The following TRIT1 variants were observed in gnomAD, a reference collection of about 807,000 sequenced individuals.
The protein encoded by TRIT1 is tRNA isopentenyltransferase 1, also known as tRNA dimethylallyltransferase.
Under a neutral mutation model 51.2 loss-of-function variants are expected in TRIT1, and 43 were observed. The observed-to-expected ratio is 0.84, with a 90% CI of 0.66 to 1.08. TRIT1 has a LOEUF of 1.08. Ranked by LOEUF, TRIT1 falls within the 50% of genes least tolerant of loss-of-function variation. The pLI, the probability that TRIT1 is intolerant of heterozygous loss-of-function variation, is 0.00. For synonymous variants in TRIT1, 184 were observed against 203.9 expected, an observed-to-expected ratio of 0.90 and a Z score of 0.83; for missense variants, 528 against 578.4, an observed-to-expected ratio of 0.91 and a Z score of 0.89.
At chr1:39,862,413 G>A (rs180908078) in intron 1 of TRIT1, among the ~76,000 whole-genome samples, 2 of 152,060 alleles carry the variant, frequency 1.3e-5, no homozygotes, top group African/African-American at 2.4e-5. Context: ...ATTAAGAGCT[G>A]GTAATGTTCT....
At chr1:39,857,926 C>A (rs1448266152) in intron 1 of TRIT1, among the ~76,000 whole-genome samples, 1 of 152,186 alleles carries the variant, frequency 6.6e-6, no homozygotes, top group Non-Finnish European at 1.5e-5. Flanking sequence ...TACACATACA[C>A]ACTTTGAAGT....
chr1:39,850,198 C>T lies in TRIT1; in HGVS notation c.624G>A (p.Thr208=), dbSNP rs746442009. ...CTCCAAGGGGACCACCACCTTCTTC[C>T]GTATGTTGACGATGGAGAAATTCAC... is the stretch of plus-strand genomic sequence containing the variant. ...SHSEFLHRQH[T]EEGGGPLGGP... Residue 208 remains threonine (T), a synonymous_variant, in exon 5 of 11, where the codon ACG becomes ACA. Coordinates refer to ENST00000316891, the MANE Select transcript of TRIT1 (RefSeq NM_017646.6). 30 of 1,613,974 alleles carry T rather than the reference C, an allele frequency of 1.9e-5. No individual in the cohort carries two copies. Among genetic ancestry groups the T allele is most frequent in the East Asian group, 2.2e-5 (1 of 44,894 alleles).
intron 1 of TRIT1, among the ~76,000 whole-genome samples, chr1:39,865,762 G>A (rs1643509690): frequency 6.6e-6 from 1 of 151,594 alleles, no homozygotes; most frequent in South Asian, 2.1e-4. Flanking sequence ...AGATGGGAGG[G>A]TCATTTGAGC....
chr1:39,851,120 C>G (rs1248551994), intron 4 of TRIT1, among the ~76,000 whole-genome samples: 2 of 152,014 alleles, frequency 1.3e-5, no homozygotes, highest in African/African-American at 4.8e-5. Flanking sequence ...AGAGTGTAGA[C>G]CCCCTTGTCT....
rs11581557 is a variant in TRIT1, at chr1:39,862,786, A to T, written c.175-5369T>A. Reference sequence around the variant, plus strand: ...ATTTGTAGCTGAATCTCTTACACTTACCCTATTTTTCAGCTTCAATTACAG... The same window carrying T: ...ATTTGTAGCTGAATCTCTTACACTTTCCCTATTTTTCAGCTTCAATTACAG... On this transcript the variant is annotated intron_variant, in intron 1 of 10. Transcript: ENST00000316891. 24 of 985,184 alleles carry T rather than the reference A, an allele frequency of 2.4e-5. No individual in the cohort carries two copies. The African/African-American group carries it at 4.0e-4, about 17-fold the overall frequency. The allele number at this position is 985,184 out of a possible 1,614,324, so 61.0% of individuals were successfully genotyped here. A position where few individuals can be genotyped will look rare whatever the true frequency, so the allele number is the denominator to read the frequency against.
At chr1:39,849,146 C>T (rs528509218) in intron 5 of TRIT1, among the ~76,000 whole-genome samples, 1 of 152,210 alleles carries the variant, frequency 6.6e-6, no homozygotes, top group South Asian at 2.1e-4. Context: ...ATTGAGGACC[C>T]GTCATGTGTC....
In TRIT1 at chr1:39,868,094, G is replaced by A. The variant is rs567286574; in HGVS notation, c.175-10677C>T. Reference sequence around the variant, plus strand: ...CAAGTAGCTGGGACTACAGAAGCCCGCCACCATGCCTGGCTATTTTTTTTT... The same window carrying A: ...CAAGTAGCTGGGACTACAGAAGCCCACCACCATGCCTGGCTATTTTTTTTT... On this transcript the variant is annotated intron_variant, in intron 1 of 10. Transcript: ENST00000316891. 2.9e-3 allele frequency among the ~76,000 whole-genome samples: 447 copies of A among 151,728 alleles called. 4 individuals are homozygous for A. Among genetic ancestry groups the A allele is most frequent in the African/African-American group, 0.01 (433 of 41,376 alleles).
At chr1:39,861,405 T>C (rs570287304) in intron 1 of TRIT1, among the ~76,000 whole-genome samples, 198 of 152,142 alleles carry the variant, frequency 1.3e-3, no homozygotes, top group Non-Finnish European at 2.0e-3. Flanking sequence ...ATATGGCAGT[T>C]CCTCAAAAAA....
chr1:39,868,868 TG>T (rs537063535), intron 1 of TRIT1, among the ~76,000 whole-genome samples: 242 of 152,160 alleles, frequency 1.6e-3, no homozygotes, highest in African/African-American at 5.3e-3. Flanking sequence ...TAGACCATCC[TG>T]GCCAACGTGG....
In TRIT1 at chr1:39,841,923, C is replaced by T. The variant is rs891331304; in HGVS notation, c.1235-10G>A. ...TTGGATTTTATGTGCGCTGATAAGA[C>T]AAAATCAAACCAAACAAACAAAAAA... is the stretch of plus-strand genomic sequence containing the variant. On this transcript the variant is annotated splice_polypyrimidine_tract_variant and intron_variant, in intron 10 of 10. Transcript: ENST00000316891. The T allele has an allele frequency of 2.6e-5, 42 of 1,591,452 alleles. No homozygotes were observed. The highest frequency in any genetic ancestry group is 3.3e-5 in the Non-Finnish European group (39 of 1,172,526).
At chr1:39,844,785 C>A (rs920537650) in intron 8 of TRIT1, 145 bp from the exon 9 acceptor site, 7 of 618,044 alleles carry the variant, frequency 1.1e-5, no homozygotes, top group Non-Finnish European at 2.0e-5. Context: ...TAAACATGAA[C>A]CACAATCCAA....
At position 39,847,934 on chromosome 1, in the gene TRIT1, T is replaced by C. The variant is rs953557538; in HGVS notation, c.815+52A>G. 43 of 1,544,668 alleles carry C rather than the reference T, an allele frequency of 2.8e-5. No individual in the cohort carries two copies. In the African/African-American group the frequency reaches 5.6e-4, roughly 20 times the overall value. ...AGCCAGTATTAGCGTTATGGTCTTT[T>C]GATTGTCTGCAAAATATGGACAGTA... On this transcript the variant is annotated intron_variant, in intron 6 of 10. Coordinates refer to ENST00000316891, the MANE Select transcript of TRIT1 (RefSeq NM_017646.6).
At chr1:39,847,459 T>C (rs1020987388) in intron 7 of TRIT1, 89 bp downstream of exon 7, 319 of 1,505,498 alleles carry the variant, frequency 2.1e-4, no homozygotes, top group Non-Finnish European at 2.9e-4. Context: ...TTGGGACGCT[T>C]TAAGCCTTGG....
At chr1:39,844,728 C>A (rs907530685) in intron 8 of TRIT1, 88 bp from the exon 9 acceptor site, 1 of 903,558 alleles carries the variant, frequency 1.1e-6, no homozygotes, top group Admixed American at 2.0e-5. Flanking sequence ...CAGGGAAATA[C>A]ACAGAGCCAA....
chr1:39,847,961 G>A (rs758797367), intron 6 of TRIT1, 25 bp downstream of exon 6: 5 of 1,593,718 alleles, frequency 3.1e-6, no homozygotes, highest in Non-Finnish European at 4.3e-6. Flanking sequence ...TGGACAGTAG[G>A]TCAGAATAAC....
intron 8 of TRIT1, among the ~76,000 whole-genome samples, 163 bp from the exon 9 acceptor site, chr1:39,844,803 C>T (rs750653750): frequency 1.7e-4 from 26 of 152,196 alleles, no homozygotes; most frequent in Admixed American, 3.9e-4. Flanking sequence ...CAAGAAAGAC[C>T]TAGAGGTTTA....
chr1:39,850,723 C>G (rs528146611), intron 4 of TRIT1, among the ~76,000 whole-genome samples: 6 of 152,288 alleles, frequency 3.9e-5, no homozygotes, highest in African/African-American at 1.2e-4. Flanking sequence ...CAGAATGGTA[C>G]TCACTCACTT....
intron 1 of TRIT1, chr1:39,862,701 C>G (rs754369346): frequency 9.9e-6 from 9 of 907,396 alleles, no homozygotes; most frequent in Non-Finnish European, 1.2e-5. Context: ...CATCCATGCT[C>G]TAAATGCCAC....
intron 1 of TRIT1, among the ~76,000 whole-genome samples, chr1:39,878,844 C>T (rs1243154586): frequency 6.6e-6 from 1 of 152,168 alleles, no homozygotes; most frequent in East Asian, 1.9e-4. Context: ...AGGTGGCTTC[C>T]AGTCAGCTCA....
Sources: allele counts gnomAD v4.1 joint callset (sites outside exome capture counted in the v4.1 genomes callset), GRCh38; gene constraint gnomAD v4.1.1; transcripts MANE v1.5; gene names NCBI Gene and HGNC (gene_info 2026-07-23, HGNC 2026-07-21).